EPHA6: variants seen among roughly 807,000 people sequenced by gnomAD.
EPHA6 encodes the protein EPH receptor A6, also known as ephrin type-A receptor 6.
A neutral mutation model predicts 112.0 loss-of-function variants in EPHA6; 50 were observed. That is an observed-to-expected ratio of 0.45 (90% CI 0.36 to 0.56). EPHA6 has a LOEUF of 0.56. EPHA6 is among the 20% of genes least tolerant of loss of function. The probability of loss-of-function intolerance (pLI) is 0.00; values close to 1 mark genes in which losing one functional copy is unlikely to be tolerated. For missense variants in EPHA6, 1,280 were observed against 1,417.4 expected, an observed-to-expected ratio of 0.90 and a Z score of 1.56; for synonymous variants, 529 against 490.7, an observed-to-expected ratio of 1.08 and a Z score of -1.03.
intron 1 of EPHA6, among the ~76,000 whole-genome samples, chr3:96,826,874 T>C (rs1429487590): frequency 3.3e-5 from 5 of 152,110 alleles, no homozygotes; most frequent in African/African-American, 1.2e-4. Context: ...AAAATACCCA[T>C]TTACCAACAG....
chr3:97,634,489 TG>T (rs1560211959), intron 13 of EPHA6, among the ~76,000 whole-genome samples: 1 of 151,996 alleles, frequency 6.6e-6, no homozygotes. Flanking sequence ...TGGGGTTCCC[TG>T]GGAAAGATTG....
At chr3:97,630,853 T>C (rs534022817) in intron 13 of EPHA6, among the ~76,000 whole-genome samples, 20 of 152,102 alleles carry the variant, frequency 1.3e-4, no homozygotes, top group African/African-American at 4.8e-4. Context: ...AGTCCTCAAA[T>C]ATAAAACTTT....
intron 5 of EPHA6, 102 bp downstream of exon 5, chr3:97,244,389 T>C: frequency 4.2e-6 from 4 of 957,956 alleles, no homozygotes; most frequent in Non-Finnish European, 6.4e-6. Flanking sequence ...TGCAGTCATA[T>C]ACGTTATACA....
At chr3:96,945,992 A>G (rs2041235738) in intron 2 of EPHA6, among the ~76,000 whole-genome samples, 1 of 152,048 alleles carries the variant, frequency 6.6e-6, no homozygotes, top group African/African-American at 2.4e-5. Context: ...CTGCTTGTTC[A>G]TCCCTCACTA....
chr3:97,231,268 T>G (rs2078517008), intron 4 of EPHA6, among the ~76,000 whole-genome samples: 1 of 152,176 alleles, frequency 6.6e-6, no homozygotes, highest in African/African-American at 2.4e-5. Context: ...CAGGAAGCTT[T>G]CTTTCTCAAG....
At chr3:97,214,795 T>A in intron 3 of EPHA6, among the ~76,000 whole-genome samples, 1 of 152,312 alleles carries the variant, frequency 6.6e-6, no homozygotes, top group East Asian at 1.9e-4. Flanking sequence ...TGCTATGAGG[T>A]TATTCAGAAG....
At chr3:96,893,096 A>G (rs2038069431) in intron 2 of EPHA6, among the ~76,000 whole-genome samples, 1 of 152,060 alleles carries the variant, frequency 6.6e-6, no homozygotes, top group Non-Finnish European at 1.5e-5. Context: ...GTGACGTTGT[A>G]GCTATCATAA....
At chr3:97,187,728 A>AGAAAGAAAGAAAGAAAGAG (rs2077188910) in intron 3 of EPHA6, among the ~76,000 whole-genome samples, 1 of 149,700 alleles carries the variant, frequency 6.7e-6, no homozygotes, top group Non-Finnish European at 1.5e-5. Context: ...AAAGAAAGAA[A>AGAAAGAAAGAAAGAAAGAG]GAAAGAAAGA....
chr3:97,153,506 C>T (rs948417043), intron 3 of EPHA6, among the ~76,000 whole-genome samples: 1 of 151,986 alleles, frequency 6.6e-6, no homozygotes, highest in Non-Finnish European at 1.5e-5. Flanking sequence ...TTACAATATG[C>T]ATATTTTAAA....
intron 12 of EPHA6, among the ~76,000 whole-genome samples, chr3:97,603,279 T>C (rs777144878): frequency 2.6e-5 from 4 of 152,102 alleles, no homozygotes; most frequent in Middle Eastern, 3.4e-3. Flanking sequence ...TGAGGTCAAC[T>C]GATGCAGATG....
intron 6 of EPHA6, among the ~76,000 whole-genome samples, chr3:97,441,994 A>C (rs1351985496): frequency 6.6e-6 from 1 of 152,190 alleles, no homozygotes; most frequent in Non-Finnish European, 1.5e-5. Flanking sequence ...CAAAGAAAGA[A>C]CATATACTTT....
intron 2 of EPHA6, among the ~76,000 whole-genome samples, chr3:96,919,242 A>G (rs2039639212): frequency 6.6e-6 from 1 of 151,946 alleles, no homozygotes; most frequent in Admixed American, 6.6e-5. Context: ...ATCATCTGTT[A>G]GTATACTACA....
chr3:97,370,087 A>C (rs954740126), intron 5 of EPHA6, among the ~76,000 whole-genome samples: 2 of 152,188 alleles, frequency 1.3e-5, no homozygotes, highest in African/African-American at 4.8e-5. Context: ...TTAGCCATGC[A>C]GCATTTACAA....
intron 2 of EPHA6, among the ~76,000 whole-genome samples, chr3:96,949,841 A>G (rs2041450540): frequency 6.6e-6 from 1 of 152,148 alleles, no homozygotes; most frequent in Admixed American, 6.6e-5. Flanking sequence ...AAGGTTAAAT[A>G]CTTATCAAAA....
chr3:96,814,862 G>A lies in EPHA6; in HGVS notation c.239G>A (p.Arg80His), dbSNP rs777712126. 4 of 1,561,044 alleles carry A rather than the reference G, an allele frequency of 2.6e-6. No individual in the cohort carries two copies. Among genetic ancestry groups the A allele is most frequent in the Admixed American group, 1.9e-5 (1 of 51,608 alleles). ...ACCCAGAACACCTGCCTGCGCTGCC[G>A]CCACTTCTCTTTAAGGGAGAGGAAA... ...HPTQNTCLRCRHFSLRERKRE... is the reference protein window; with the variant it reads ...HPTQNTCLRCHHFSLRERKRE... Residue 80 changes from arginine to histidine, a missense_variant, in exon 1 of 18, where the codon CGC becomes CAC. Transcript: ENST00000389672.
intron 14 of EPHA6, among the ~76,000 whole-genome samples, chr3:97,718,653 GC>G (rs1375243525): frequency 1.3e-5 from 2 of 151,914 alleles, no homozygotes; most frequent in African/African-American, 4.8e-5. Context: ...GCAACTCCCT[GC>G]CCCCCAACAC....
At chr3:97,544,729 T>C (rs999155175) in intron 11 of EPHA6, among the ~76,000 whole-genome samples, 1 of 152,190 alleles carries the variant, frequency 6.6e-6, no homozygotes, top group Non-Finnish European at 1.5e-5. Context: ...CCTGGACTTT[T>C]GTTGGTTGGT....
At chr3:96,888,176 C>T (rs979037249) in intron 2 of EPHA6, among the ~76,000 whole-genome samples, 9 of 152,160 alleles carry the variant, frequency 5.9e-5, no homozygotes, top group Non-Finnish European at 1.2e-4. Flanking sequence ...TGGAATTTTA[C>T]CCCCTGCTCC....
intron 3 of EPHA6, among the ~76,000 whole-genome samples, chr3:97,027,062 G>A (rs1445470308): frequency 6.6e-6 from 1 of 152,134 alleles, no homozygotes; most frequent in African/African-American, 2.4e-5. Flanking sequence ...TGATAGACTG[G>A]ATAAAGAAAA....
Sources: gnomAD v4.1 joint callset for allele counts (sites outside exome capture counted in the v4.1 genomes callset) on GRCh38, gnomAD v4.1.1 for gene constraint, MANE v1.5 for transcripts, NCBI Gene and HGNC (gene_info 2026-07-23, HGNC 2026-07-21) for gene names.